RIPK1: variants seen among roughly 807,000 people sequenced by gnomAD.
RIPK1 encodes the protein receptor interacting serine/threonine kinase 1, also known as receptor-interacting serine/threonine-protein kinase 1.
RIPK1 carries 27 observed loss-of-function variants against 62.4 expected under a neutral mutation model. That is an observed-to-expected ratio of 0.43 (90% confidence interval 0.32 to 0.60). The LOEUF (loss-of-function observed/expected upper bound fraction) is 0.60. RIPK1 is among the 20% of genes least tolerant of loss of function. The pLI, the probability that RIPK1 is intolerant of heterozygous loss-of-function variation, is 0.07. For synonymous variants in RIPK1, 287 were observed against 303.2 expected (o/e 0.95, Z 0.55); for missense variants, 735 against 831.0 (o/e 0.88, Z 1.42).
chr6:3,111,015 G>T, intron 10 of RIPK1, 60 bp downstream of exon 10: 1 of 1,179,392 alleles, frequency 8.5e-7, no homozygotes, highest in Non-Finnish European at 1.1e-6. Flanking sequence ...CTTGTGAGAA[G>T]GACATAGTGG....
At chr6:3,107,751 G>T (rs1022113279) in intron 9 of RIPK1, among the ~76,000 whole-genome samples, 2 of 151,610 alleles carry the variant, frequency 1.3e-5, no homozygotes, top group African/African-American at 4.9e-5. Flanking sequence ...TTTTCTACAT[G>T]AGCAACCCAA....
chr6:3,113,404 T>G lies in RIPK1; in HGVS notation c.*65T>G. 6 of 1,493,882 alleles carry G rather than the reference T, an allele frequency of 4.0e-6. No individual in the cohort carries two copies. Among genetic ancestry groups the G allele is most frequent in the Non-Finnish European group, 5.5e-6 (6 of 1,100,878 alleles). The allele number at this position is 1,493,882 out of a possible 1,614,324, so 92.5% of individuals were successfully genotyped here. ...TAGTGGATAACCCCAGAAAGTTGGC[T>G]GCCTCAGAGCATTCAGAATTCTGTC... is the stretch of plus-strand genomic sequence containing the variant. On this transcript the variant is annotated 3_prime_UTR_variant, in exon 11 of 11. Coordinates refer to ENST00000259808, the MANE Select transcript of RIPK1 (RefSeq NM_001354930.2). This position sits in a 1 kb window ranked among gnomAD's most constrained non-coding sequence, Gnocchi z 5.0.
intron 1 of RIPK1, among the ~76,000 whole-genome samples, chr6:3,075,444 C>T (rs1309252304): frequency 6.6e-6 from 1 of 152,166 alleles, no homozygotes; most frequent in African/African-American, 2.4e-5. Context: ...TTCACATTTT[C>T]TTCTTAGAGT....
rs10526418 is a variant in RIPK1 at position 3,076,699 on chromosome 6, C to CATATATATAT, written c.-60-47_-60-38dup. On this transcript the variant is annotated intron_variant, in intron 1 of 10. Transcript: ENST00000259808. ...TGTCTCCAAAGGAGAAAAAAAAAAA[C>CATATATATAT]ATATATATATATATATATATATATA... 1,357 of 217,540 alleles carry CATATATATAT rather than the reference C, an allele frequency of 6.2e-3. 78 individuals are homozygous for CATATATATAT. The highest frequency in any genetic ancestry group is 0.051 in the African/African-American group (1,222 of 23,988). The allele number at this position is 217,540 out of a possible 1,614,324, so 13.5% of individuals were successfully genotyped here. A position where few individuals can be genotyped will look rare whatever the true frequency, so the allele number is the denominator to read the frequency against.
chr6:3,088,184 CAAGGG>C (rs1487533766), intron 6 of RIPK1, among the ~76,000 whole-genome samples: 1 of 152,188 alleles, frequency 6.6e-6, no homozygotes, highest in Non-Finnish European at 1.5e-5. Context: ...ACTGCTCTGA[CAAGGG>C]AAGAGTGGTG....
chr6:3,107,048 C>T (rs7740183), intron 9 of RIPK1, among the ~76,000 whole-genome samples: 10,364 of 151,538 alleles, frequency 0.068, 1,194 homozygotes, highest in African/African-American at 0.24. Context: ...GCCAGGAGTT[C>T]GAGACCAGCC....
At chr6:3,088,974 T>C (rs1048608236) in intron 6 of RIPK1, among the ~76,000 whole-genome samples, 1 of 152,224 alleles carries the variant, frequency 6.6e-6, no homozygotes, top group Non-Finnish European at 1.5e-5. Context: ...GAAAATCCAG[T>C]GAACTCACTA....
At chr6:3,106,861 T>A (rs1443285445) in intron 9 of RIPK1, among the ~76,000 whole-genome samples, 1 of 152,274 alleles carries the variant, frequency 6.6e-6, no homozygotes, top group Non-Finnish European at 1.5e-5. Context: ...ATGAGCAGAA[T>A]GTCCTTTTGT....
chr6:3,096,561 T>TC (rs1760311015), intron 7 of RIPK1, among the ~76,000 whole-genome samples: 5 of 132,924 alleles, frequency 3.8e-5, no homozygotes, highest in Admixed American at 3.7e-4. Context: ...TTTTTTTTTT[T>TC]TTTTTTTTTT....
At chr6:3,084,881 C>T (rs962574908) in intron 5 of RIPK1, among the ~76,000 whole-genome samples, 1 of 152,096 alleles carries the variant, frequency 6.6e-6, no homozygotes, top group Non-Finnish European at 1.5e-5. Context: ...TGTGATCCAC[C>T]ATGCCCAGCC....
Position 3,115,051 on chromosome 6 carries a change from TC to T in RIPK1, c.*1713del, listed in dbSNP as rs1412092172. 1 of 152,110 alleles carries T rather than the reference TC, an allele frequency of 6.6e-6. No homozygotes were observed. Among genetic ancestry groups the T allele is most frequent in the Admixed American group, 6.5e-5 (1 of 15,274 alleles). The allele number at this position is 152,110 out of a possible 1,614,324, so 9.4% of individuals were successfully genotyped here. On this transcript the variant is annotated 3_prime_UTR_variant, in exon 11 of 11. Transcript: ENST00000259808. ...CTTTGCTGGAGGGGCCTGGGTGAGT[TC>T]TGTTTGCTCCTTGTACCACCATCCA...
chr6:3,112,588 G>A (rs1761218632), intron 10 of RIPK1, among the ~76,000 whole-genome samples: 1 of 152,146 alleles, frequency 6.6e-6, no homozygotes, highest in Non-Finnish European at 1.5e-5. Flanking sequence ...TGAAGTACAG[G>A]GGCACAGTCA....
chr6:3,063,996 C>G (rs1201260609), upstream of RIPK1: 3 of 152,494 alleles, frequency 2.0e-5, no homozygotes, highest in African/African-American at 7.2e-5. Flanking sequence ...AGCAGCAGGG[C>G]CCGGTCCTGC....
chr6:3,075,442 T>C (rs2113567461), intron 1 of RIPK1, among the ~76,000 whole-genome samples: 1 of 152,334 alleles, frequency 6.6e-6, no homozygotes, highest in African/African-American at 2.4e-5. Flanking sequence ...TTTTCACATT[T>C]TCTTCTTAGA....
chr6:3,068,595 C>A lies in RIPK1; in HGVS notation c.-127C>A. On this transcript the variant is annotated 5_prime_UTR_variant, in exon 1 of 11. Transcript: ENST00000259808. ...CACAGCTGGGGCGCCAGAGCGCGGC[C>A]ATCCGGGCGGGGCCGACGGAGCGCG... The A allele has an allele frequency of 2.0e-6, 2 of 985,310 alleles. No homozygotes were observed. Among genetic ancestry groups the A allele is most frequent in the Non-Finnish European group, 2.4e-6 (2 of 829,944 alleles). The allele number at this position is 985,310 out of a possible 1,614,324, so 61.0% of individuals were successfully genotyped here.
chr6:3,064,133 A>G (rs75364479), upstream of RIPK1: 438 of 150,730 alleles, frequency 2.9e-3, no homozygotes, highest in Non-Finnish European at 5.2e-3. Flanking sequence ...CTGCCACCGA[A>G]AGATGGGACC....
At chr6:3,064,543 G>A (rs544581324), upstream of RIPK1, among the ~76,000 whole-genome samples, 1 of 152,318 alleles carries the variant, frequency 6.6e-6, no homozygotes, top group African/African-American at 2.4e-5. Context: ...TCCAGGGACT[G>A]AGAATCTGCA....
chr6:3,073,885 C>G (rs936649521), intron 1 of RIPK1, among the ~76,000 whole-genome samples: 3 of 152,238 alleles, frequency 2.0e-5, no homozygotes, highest in African/African-American at 7.2e-5. Flanking sequence ...ACGTCCACCA[C>G]GACTATCGTC....
chr6:3,076,640 A>C (rs1410932964), intron 1 of RIPK1, 124 bp from the exon 2 acceptor site: 1 of 183,376 alleles, frequency 5.5e-6, no homozygotes, highest in Non-Finnish European at 1.0e-5. Context: ...TGATTGTGCC[A>C]CTGCACTCCA....
Sources: allele counts gnomAD v4.1 joint callset (sites outside exome capture counted in the v4.1 genomes callset), GRCh38; gene constraint gnomAD v4.1.1; non-coding constraint Gnocchi (gnomAD v3.1); transcripts MANE v1.5; gene names NCBI Gene and HGNC (gene_info 2026-07-23, HGNC 2026-07-21).